Variants in MOB3B observed in about 807,000 individuals in gnomAD.
The protein encoded by MOB3B is MOB kinase activator-like 2B.
MOB3B carries 7 observed loss-of-function variants against 18.7 expected under a neutral mutation model. The observed-to-expected ratio is 0.37, with a 90% CI of 0.21 to 0.70. The LOEUF is 0.70. MOB3B is among the 30% of genes least tolerant of loss of function. The pLI is 0.52. For synonymous variants in MOB3B, 111 were observed against 99.9 expected (o/e 1.11, Z -0.66); for missense variants, 253 against 281.3 (o/e 0.90, Z 0.72).
At chr9:27,442,093 T>TA (rs567622434) in intron 2 of MOB3B, among the ~76,000 whole-genome samples, 10 of 152,180 alleles carry the variant, frequency 6.6e-5, no homozygotes, top group African/African-American at 1.9e-4. Context: ...TTATTTTTCA[T>TA]AAAAAAAGTT....
chr9:27,524,919 T>C (rs576420583), intron 1 of MOB3B: 4 of 1,607,506 alleles, frequency 2.5e-6, no homozygotes, highest in South Asian at 1.1e-5. Context: ...AAGATGTTTG[T>C]ATTACTTTTA....
At chr9:27,502,035 T>C (rs902178437) in intron 1 of MOB3B, among the ~76,000 whole-genome samples, 6 of 152,216 alleles carry the variant, frequency 3.9e-5, no homozygotes, top group Non-Finnish European at 7.3e-5. Context: ...TCCTTCCCTT[T>C]TTTTGCCATC....
At chr9:27,429,909 C>G (rs1013218732) in intron 2 of MOB3B, among the ~76,000 whole-genome samples, 1 of 152,112 alleles carries the variant, frequency 6.6e-6, no homozygotes, top group Admixed American at 6.5e-5. Context: ...CAAGGATGTG[C>G]TGAGGGTTAG....
chr9:27,378,862 A>G (rs1821531321), intron 2 of MOB3B: 2 of 376,032 alleles, frequency 5.3e-6, no homozygotes, highest in Non-Finnish European at 5.4e-6. Flanking sequence ...AAAATTGCAA[A>G]CCACTTATCC....
chr9:27,520,096 C>T (rs947256285), intron 1 of MOB3B, among the ~76,000 whole-genome samples: 3 of 152,174 alleles, frequency 2.0e-5, no homozygotes, highest in African/African-American at 2.4e-5. Context: ...GTGTTACTCT[C>T]GTCCTGATTC....
chr9:27,414,108 A>G lies in MOB3B; in HGVS notation c.418+41025T>C, dbSNP rs572764279. ...TCTGGATGGGTTCTGATGGAGGAAT[A>G]CATGTGATCTCTCTGACGGCTGCTT... On this transcript the variant is annotated intron_variant, in intron 2 of 3. Transcript: ENST00000262244. Among the ~76,000 whole-genome samples, 96 of 152,334 alleles carry G rather than the reference A, an allele frequency of 6.3e-4. 1 individual carries two copies. The highest frequency in any genetic ancestry group is 7.4e-5 in the Non-Finnish European group (5 of 68,022).
At chr9:27,331,303 C>T (rs1158243916) in intron 3 of MOB3B, among the ~76,000 whole-genome samples, 1 of 152,138 alleles carries the variant, frequency 6.6e-6, no homozygotes, top group African/African-American at 2.4e-5. Context: ...TGCGCCTGCC[C>T]CTCTTCATTT....
At chr9:27,437,489 T>C (rs947533177) in intron 2 of MOB3B, among the ~76,000 whole-genome samples, 1 of 152,236 alleles carries the variant, frequency 6.6e-6, no homozygotes, top group African/African-American at 2.4e-5. Flanking sequence ...ATAGCTCTGT[T>C]AGCACATTTA....
intron 1 of MOB3B, among the ~76,000 whole-genome samples, chr9:27,490,741 C>A (rs556646794): frequency 6.6e-6 from 1 of 152,126 alleles, no homozygotes; most frequent in Non-Finnish European, 1.5e-5. Context: ...TTGACTCTCA[C>A]TCCAGTGCTC....
chr9:27,453,302 A>C (rs10967943), intron 2 of MOB3B, among the ~76,000 whole-genome samples: 1 of 152,180 alleles, frequency 6.6e-6, no homozygotes, highest in African/African-American at 2.4e-5. Context: ...TCCCAAACTT[A>C]TTTTTCCTTG....
At chr9:27,368,756 A>G (rs1821372787) in intron 2 of MOB3B, among the ~76,000 whole-genome samples, 1 of 152,178 alleles carries the variant, frequency 6.6e-6, no homozygotes. Flanking sequence ...TATGTTCTCA[A>G]GAGAGTCTTA....
At chr9:27,500,406 A>G (rs1162941488) in intron 1 of MOB3B, among the ~76,000 whole-genome samples, 4 of 152,210 alleles carry the variant, frequency 2.6e-5, no homozygotes, top group African/African-American at 9.6e-5. Context: ...AGAGATATAG[A>G]CCAATGGAAC....
chr9:27,346,452 T>C (rs1466262052), intron 3 of MOB3B, among the ~76,000 whole-genome samples: 1 of 152,216 alleles, frequency 6.6e-6, no homozygotes, highest in Non-Finnish European at 1.5e-5. Context: ...CTTTTTATAA[T>C]GAAGATAAAC....
chr9:27,418,262 AAAG>A, intron 2 of MOB3B, among the ~76,000 whole-genome samples: 2 of 152,244 alleles, frequency 1.3e-5, no homozygotes, highest in South Asian at 4.2e-4. Context: ...CCAGACATTC[AAAG>A]AAGAATTGGT....
intron 1 of MOB3B, among the ~76,000 whole-genome samples, chr9:27,471,313 T>C (rs1468557888): frequency 7.9e-5 from 12 of 152,176 alleles, no homozygotes. Context: ...TTTCCAGCAG[T>C]AAGAATGGCA....
At chr9:27,495,524 T>C (rs1300612115) in intron 1 of MOB3B, among the ~76,000 whole-genome samples, 4 of 152,092 alleles carry the variant, frequency 2.6e-5, no homozygotes, top group Admixed American at 6.5e-5. Context: ...GGCTGGGAGC[T>C]CCTTGAAGAC....
chr9:27,355,779 G>A (rs940804045), intron 3 of MOB3B, among the ~76,000 whole-genome samples: 1 of 151,970 alleles, frequency 6.6e-6, no homozygotes, highest in Admixed American at 6.6e-5. Flanking sequence ...AGCCAGGATG[G>A]TCTCGATCTC....
rs66757462 is a variant in MOB3B, at chr9:27,489,741, C to CTT, written c.-198-33995_-198-33994dup. ...ACATCACACCAGATAAGGAAATAAT[C>CTT]TTTTTTTTTTTTTGGTCCAACAGGG... On this transcript the variant is annotated intron_variant, in intron 1 of 3. Transcript: ENST00000262244. Among the ~76,000 whole-genome samples, 11 of 73,154 alleles carry CTT rather than the reference C, an allele frequency of 1.5e-4. 1 individual carries two copies. The highest frequency in any genetic ancestry group is 6.8e-4 in the Admixed American group (3 of 4,398). The allele number at this position is 73,154 out of a possible 152,430, so 48.0% of individuals were successfully genotyped here. A position where few individuals can be genotyped will look rare whatever the true frequency, so the allele number is the denominator to read the frequency against.
chr9:27,498,143 C>T (rs1046649199), intron 1 of MOB3B, among the ~76,000 whole-genome samples: 2 of 152,164 alleles, frequency 1.3e-5, no homozygotes, highest in Non-Finnish European at 2.9e-5. Flanking sequence ...CACAGAAACG[C>T]CGTGGTGCGT....
Sources: gnomAD v4.1 joint callset for allele counts (sites outside exome capture counted in the v4.1 genomes callset) on GRCh38, gnomAD v4.1.1 for gene constraint, MANE v1.5 for transcripts, NCBI Gene and HGNC (gene_info 2026-07-23, HGNC 2026-07-21) for gene names.